Variants in RFX3 observed in about 807,000 individuals in gnomAD.
The protein encoded by RFX3 is transcription factor RFX3.
RFX3 carries 14 observed loss-of-function variants against 98.6 expected under a neutral mutation model. The observed-to-expected ratio is 0.14, with a 90% CI of 0.09 to 0.22. RFX3 has a LOEUF of 0.22. RFX3 is among the 10% of genes least tolerant of loss of function. RFX3 has a pLI of 1.00. For synonymous variants in RFX3, 383 were observed against 328.4 expected (o/e 1.17, Z -1.80); for missense variants, 639 against 926.9 (o/e 0.69, Z 4.03).
Position 3,225,358 on chromosome 9 carries a change from T to A in RFX3, c.2012-78A>T, listed in dbSNP as rs1817643644. ...CAATCAACAGGTGCTTTAGAAACAC[T>A]TTAATATAGGACATTACGAAAGCAA... On this transcript the variant is annotated intron_variant, in intron 16 of 16. Coordinates refer to ENST00000617270, the MANE Select transcript of RFX3 (RefSeq NM_001282116.2). 1.9e-6 allele frequency: 3 copies of A among 1,567,192 alleles called. No individual in the cohort carries two copies. In the Admixed American group the frequency reaches 5.4e-5, roughly 28 times the overall value.
intron 16 of RFX3, among the ~76,000 whole-genome samples, chr9:3,227,011 A>C (rs1309375820): frequency 6.6e-6 from 1 of 152,148 alleles, no homozygotes; most frequent in African/African-American, 2.4e-5. Context: ...TTCAGTCTTT[A>C]GGTCCTGAGT....
intron 15 of RFX3, among the ~76,000 whole-genome samples, chr9:3,243,835 A>T (rs755008038): frequency 6.6e-6 from 1 of 152,206 alleles, no homozygotes; most frequent in South Asian, 2.1e-4. Context: ...TCCTACTCCA[A>T]TCCTACTCCA....
rs1213429746 is a variant in RFX3, at chr9:3,330,369, C to T, written c.364G>A (p.Val122Ile). ...MVGTGGIQMG[V>I]TGGQLISSSG... ...CTGCTGATGAGTTGTCCTCCTGTGA[C>T]GCCCATCTGAATCCCACCAGTGCCC... The change falls in exon 4 of 17, where the codon GTC (valine) becomes ATC (isoleucine). Residue 122 changes from valine (V) to isoleucine (I), a missense_variant. By Grantham distance (29) the Val-to-Ile change is conservative. Around this residue, in one of 9 missense-constraint regions of RFX3, gnomAD observed 210 missense variants for 197.7 expected, o/e 1.06. Transcript: ENST00000617270. 1.2e-5 allele frequency: 20 copies of T among 1,614,132 alleles called. No individual in the cohort carries two copies. The highest frequency in any genetic ancestry group is 3.3e-5 in the South Asian group (3 of 91,080).
At chr9:3,284,257 C>G (rs559238393) in intron 7 of RFX3, among the ~76,000 whole-genome samples, 475 of 151,766 alleles carry the variant, frequency 3.1e-3, no homozygotes, top group African/African-American at 0.01. Context: ...TCTCTGTGTA[C>G]TTCTTTTCAT....
chr9:3,362,343 T>C (rs908692057), intron 2 of RFX3, among the ~76,000 whole-genome samples: 2 of 152,224 alleles, frequency 1.3e-5, no homozygotes, highest in Non-Finnish European at 2.9e-5. Context: ...TCATTTTATG[T>C]AGAAAACAGA....
At chr9:3,325,757 A>G (rs1227034079) in intron 4 of RFX3, among the ~76,000 whole-genome samples, 1 of 152,150 alleles carries the variant, frequency 6.6e-6, no homozygotes, top group Admixed American at 6.5e-5. Context: ...CACTAACTAC[A>G]TTCACAAATT....
At chr9:3,317,905 C>A (rs143115396) in intron 4 of RFX3, among the ~76,000 whole-genome samples, 1,885 of 152,292 alleles carry the variant, frequency 0.012, 26 homozygotes, top group African/African-American at 0.028. Context: ...GAAATAGGAA[C>A]ACTTTTACAC....
At chr9:3,236,650 T>A (rs1819192151) in intron 15 of RFX3, among the ~76,000 whole-genome samples, 1 of 152,168 alleles carries the variant, frequency 6.6e-6, no homozygotes, top group African/African-American at 2.4e-5. Context: ...ATGGCGGAAG[T>A]GACCACAGGC....
intron 1 of RFX3, among the ~76,000 whole-genome samples, chr9:3,437,944 TG>T (rs1431718591): frequency 2.6e-5 from 4 of 151,994 alleles, no homozygotes; most frequent in African/African-American, 9.7e-5. Flanking sequence ...GAGACAGAGA[TG>T]AAAAAAACTA....
intron 2 of RFX3, among the ~76,000 whole-genome samples, chr9:3,372,549 T>TC (rs1315319390): frequency 2.0e-5 from 3 of 150,600 alleles, no homozygotes; most frequent in Admixed American, 1.3e-4. Context: ...TTTCTTTCTT[T>TC]CTTTTTTTTT....
intron 3 of RFX3, among the ~76,000 whole-genome samples, chr9:3,334,342 AC>A (rs1284495731): frequency 6.6e-6 from 1 of 152,186 alleles, no homozygotes; most frequent in African/African-American, 2.4e-5. Flanking sequence ...GAAGATACTT[AC>A]CACTTCGGAT....
At chr9:3,374,755 C>T (rs1480807237) in intron 2 of RFX3, among the ~76,000 whole-genome samples, 1 of 151,866 alleles carries the variant, frequency 6.6e-6, no homozygotes, top group Non-Finnish European at 1.5e-5. Context: ...TGAAAAGAAT[C>T]CTGGAGACTG....
chr9:3,375,973 T>A (rs906703549), intron 2 of RFX3, among the ~76,000 whole-genome samples: 1 of 151,154 alleles, frequency 6.6e-6, no homozygotes, highest in African/African-American at 2.4e-5. Context: ...AAAAAAAAAA[T>A]TATACACAAA....
intron 5 of RFX3, among the ~76,000 whole-genome samples, chr9:3,297,621 T>C (rs1336288250): frequency 6.6e-6 from 1 of 152,002 alleles, no homozygotes; most frequent in Non-Finnish European, 1.5e-5. Context: ...ACTAACGATA[T>C]GCATTTTGAC....
At chr9:3,442,544 G>A (rs1845694133) in intron 1 of RFX3, among the ~76,000 whole-genome samples, 1 of 152,154 alleles carries the variant, frequency 6.6e-6, no homozygotes, top group East Asian at 1.9e-4. Context: ...ACAGATATTA[G>A]TGGAAAAACT....
intron 7 of RFX3, among the ~76,000 whole-genome samples, chr9:3,280,210 G>A (rs1197681015): frequency 6.6e-6 from 1 of 151,764 alleles, no homozygotes; most frequent in African/African-American, 2.4e-5. Context: ...TATGCCTCCT[G>A]GGAAAAGGTC....
intron 1 of RFX3, among the ~76,000 whole-genome samples, chr9:3,461,088 ATATT>A (rs981603395): frequency 6.6e-6 from 1 of 150,450 alleles, no homozygotes; most frequent in Non-Finnish European, 1.5e-5. Context: ...TTTATTTAAA[ATATT>A]TATTTAATAT....
chr9:3,428,700 G>A (rs917975132), intron 1 of RFX3, among the ~76,000 whole-genome samples: 2 of 152,108 alleles, frequency 1.3e-5, no homozygotes, highest in African/African-American at 4.8e-5. Context: ...GGTCTTTCTA[G>A]CTATATTTAA....
intron 6 of RFX3, among the ~76,000 whole-genome samples, chr9:3,288,511 A>G (rs954287043): frequency 3.9e-5 from 6 of 152,102 alleles, no homozygotes; most frequent in African/African-American, 1.4e-4. Flanking sequence ...AATATTAGTC[A>G]AACAGTCCAT....
Sources: allele counts gnomAD v4.1 joint callset (sites outside exome capture counted in the v4.1 genomes callset), GRCh38; gene constraint gnomAD v4.1.1; regional missense constraint gnomAD v4.1.1; transcripts MANE v1.5; gene names NCBI Gene and HGNC (gene_info 2026-07-23, HGNC 2026-07-21).